CELF1: variants seen among roughly 807,000 people sequenced by gnomAD.
CELF1 encodes CUGBP Elav-like family member 1, also known as 50 kDa nuclear polyadenylated RNA-binding protein.
CELF1 carries 10 observed loss-of-function variants against 61.8 expected under a neutral mutation model. The ratio of observed to expected loss-of-function variants is 0.16; its 90% confidence interval spans 0.10 to 0.27. CELF1 has a LOEUF of 0.27. CELF1 is among the 10% of genes least tolerant of loss of function. CELF1 has a pLI of 1.00. For missense variants in CELF1, 380 were observed against 639.1 expected, an observed-to-expected ratio of 0.59 and a Z score of 4.37; for synonymous variants, 236 against 225.1, an observed-to-expected ratio of 1.05 and a Z score of -0.43.
rs558357836 is a variant in CELF1, at chr11:47,504,534, G to A, written c.-153-3602C>T. Among the ~76,000 whole-genome samples the A allele has an allele frequency of 7.9e-5, 12 of 152,082 alleles. No individual in the cohort carries two copies. In the East Asian group the frequency reaches 2.1e-3, roughly 27 times the overall value. The stretch of plus-strand genomic sequence containing the variant: ...GTCAACGCTGCAGTGATACTTGATC[G>A]CACCACTACACTCCAGCATGGGCAA... On this transcript the variant is annotated intron_variant, in intron 1 of 14. Transcript: ENST00000687097.
intron 1 of CELF1, among the ~76,000 whole-genome samples, chr11:47,503,541 G>A (rs1288840495): frequency 6.6e-6 from 1 of 152,166 alleles, no homozygotes; most frequent in Non-Finnish European, 1.5e-5. Context: ...CTATATGAGG[G>A]AATTCAAATT....
chr11:47,490,180 C>T (rs2090685873), intron 3 of CELF1, among the ~76,000 whole-genome samples: 2 of 151,714 alleles, frequency 1.3e-5, no homozygotes, highest in Non-Finnish European at 2.9e-5. Context: ...AGGTGATCCA[C>T]CCGCCTCGGC....
chr11:47,549,729 C>G (rs1231135572), intron 1 of CELF1, among the ~76,000 whole-genome samples: 1 of 152,130 alleles, frequency 6.6e-6, no homozygotes, highest in East Asian at 1.9e-4. Context: ...AGATGAAAAA[C>G]TCACAGATCT....
intron 6 of CELF1, among the ~76,000 whole-genome samples, chr11:47,484,832 A>G (rs1419060412): frequency 2.0e-5 from 3 of 151,934 alleles, no homozygotes; most frequent in Non-Finnish European, 4.4e-5. Context: ...GCATGCGCCA[A>G]AATGCCTGGC....
At position 47,483,459 on chromosome 11, in the gene CELF1, G is replaced by A; in HGVS notation, c.600C>T (p.Thr200=). 1 of 1,613,734 alleles carries A rather than the reference G, an allele frequency of 6.2e-7. No individual in the cohort carries two copies. The highest frequency in any genetic ancestry group is 8.5e-7 in the Non-Finnish European group (1 of 1,179,704). ...TAIKAMHQAQ[T]MEGCSSPMVV... Reference sequence around the variant, plus strand: ...TCACCTATCTGCTCCCTACCTCCATGGTCTGTGCTTGGTGCATTGCCTTGA... The same window carrying A: ...TCACCTATCTGCTCCCTACCTCCATAGTCTGTGCTTGGTGCATTGCCTTGA... Residue 200 remains threonine (T), a synonymous_variant, in exon 8 of 15, where the codon ACC becomes ACT. Coordinates refer to ENST00000687097, the MANE Select transcript of CELF1 (RefSeq NM_001376376.1).
intron 1 of CELF1, among the ~76,000 whole-genome samples, chr11:47,530,237 T>G (rs568631066): frequency 1.3e-5 from 2 of 152,134 alleles, no homozygotes; most frequent in South Asian, 4.1e-4. Flanking sequence ...AAAGATGATA[T>G]AATAGAGTCA....
chr11:47,542,531 C>A (rs2096835763), intron 1 of CELF1, among the ~76,000 whole-genome samples: 1 of 148,484 alleles, frequency 6.7e-6, no homozygotes, highest in African/African-American at 2.5e-5. Context: ...ACAGGGTCTC[C>A]CTGTTGCCCA....
intron 1 of CELF1, among the ~76,000 whole-genome samples, chr11:47,527,382 C>CT (rs1379211834): frequency 6.6e-6 from 1 of 151,986 alleles, no homozygotes; most frequent in African/African-American, 2.4e-5. Flanking sequence ...CAAAGTGAGA[C>CT]ACTGCCTCAA....
chr11:47,484,351 A>G, intron 7 of CELF1, 38 bp downstream of exon 7: 1 of 1,586,918 alleles, frequency 6.3e-7, no homozygotes, highest in Non-Finnish European at 8.5e-7. Flanking sequence ...AACCAAAACA[A>G]AAAACCAAAA....
In CELF1 at chr11:47,470,773, C is replaced by T. The variant is rs562505105; in HGVS notation, c.*1457G>A. 1 of 152,306 alleles carries T rather than the reference C, an allele frequency of 6.6e-6. No individual in the cohort carries two copies. The highest frequency in any genetic ancestry group is 1.9e-4 in the East Asian group (1 of 5,176). 9.4% of individuals were successfully genotyped at this position (152,306 alleles called of 1,614,324 possible). ...TCACATCTTAACAGGGCCACCTCTG[C>T]CCAGGTGTACATTCCCAACAGCATG... On this transcript the variant is annotated 3_prime_UTR_variant, in exon 15 of 15. Coordinates refer to ENST00000687097, the MANE Select transcript of CELF1 (RefSeq NM_001376376.1).
intron 1 of CELF1, among the ~76,000 whole-genome samples, chr11:47,545,671 T>C (rs2096914957): frequency 6.6e-6 from 1 of 152,076 alleles, no homozygotes; most frequent in African/African-American, 2.4e-5. Context: ...AGAAAAGTTT[T>C]ACAAAATTTG....
intron 2 of CELF1, 154 bp from the exon 3 acceptor site, chr11:47,499,758 C>G (rs541401991): frequency 3.1e-5 from 16 of 520,566 alleles, no homozygotes; most frequent in Non-Finnish European, 5.2e-5. Flanking sequence ...CAGCCCAGCA[C>G]ACAATGAAAG....
chr11:47,525,216 C>T (rs1450064703), intron 1 of CELF1, among the ~76,000 whole-genome samples: 1 of 152,130 alleles, frequency 6.6e-6, no homozygotes, highest in East Asian at 1.9e-4. Context: ...ATGGTTGATA[C>T]AAGTTAAAAT....
At chr11:47,529,462 A>G (rs987453687) in intron 1 of CELF1, among the ~76,000 whole-genome samples, 4 of 152,138 alleles carry the variant, frequency 2.6e-5, no homozygotes, top group Non-Finnish European at 5.9e-5. Context: ...CGAGGCGAGA[A>G]GATCACATGA....
At chr11:47,473,033 T>C (rs954163834) in intron 14 of CELF1, 55 bp downstream of exon 14, 9 of 1,577,100 alleles carry the variant, frequency 5.7e-6, no homozygotes, top group Admixed American at 1.8e-5. Context: ...GAGCTCCTTC[T>C]TTCTCAGTGG....
Position 47,467,561 on chromosome 11 carries a change from GA to G in CELF1, c.*4668del, listed in dbSNP as rs1483824413. On this transcript the variant is annotated 3_prime_UTR_variant, in exon 15 of 15. Coordinates refer to ENST00000687097, the MANE Select transcript of CELF1 (RefSeq NM_001376376.1). The stretch of plus-strand genomic sequence containing the variant: ...TCACCTAGGAAAAGCGCCAGCAGGT[GA>G]ATTGCCGCTTGGTGTGCAGATGGCC... 1 of 152,360 alleles carries G rather than the reference GA, an allele frequency of 6.6e-6. No individual in the cohort carries two copies. Among genetic ancestry groups the G allele is most frequent in the Non-Finnish European group, 1.5e-5 (1 of 68,168 alleles). 9.4% of individuals were successfully genotyped at this position (152,360 alleles called of 1,614,324 possible).
intron 8 of CELF1, among the ~76,000 whole-genome samples, chr11:47,483,102 A>G (rs976790750): frequency 1.8e-4 from 27 of 152,020 alleles, no homozygotes; most frequent in Non-Finnish European, 3.2e-4. Flanking sequence ...GCTATTAAAA[A>G]AAAATACAAA....
At position 47,476,950 on chromosome 11, in the gene CELF1, G is replaced by A; in HGVS notation, c.983C>T (p.Ser328Leu). The A allele has an allele frequency of 6.2e-7, 1 of 1,613,552 alleles. No individual in the cohort carries two copies. Among genetic ancestry groups the A allele is most frequent in the Non-Finnish European group, 8.5e-7 (1 of 1,179,444 alleles). The change falls in exon 12 of 15, where the codon TCA becomes TTA. Residue 328 changes from serine to leucine, a missense_variant. Coordinates refer to ENST00000687097, the MANE Select transcript of CELF1 (RefSeq NM_001376376.1). ...LSVLTSSAGS[S>L]PSSSSSNSVN... ...AGAATTACTGCTGCTAGAGCTAGGT[G>A]AGGACCCTGCTATTAGAAAGCAAGG... is the stretch of plus-strand genomic sequence containing the variant.
intron 1 of CELF1, among the ~76,000 whole-genome samples, chr11:47,525,407 A>G (rs1469568970): frequency 1.3e-5 from 2 of 152,234 alleles, no homozygotes; most frequent in Non-Finnish European, 2.9e-5. Flanking sequence ...TAAGAAATGC[A>G]TGGCTGATTG....
Sources: gnomAD v4.1 joint callset for allele counts (sites outside exome capture counted in the v4.1 genomes callset) on GRCh38, gnomAD v4.1.1 for gene constraint, MANE v1.5 for transcripts, NCBI Gene and HGNC (gene_info 2026-07-23, HGNC 2026-07-21) for gene names.